The following RBFOX1 variants were observed in gnomAD, a reference collection of about 807,000 sequenced individuals.
The protein encoded by RBFOX1 is RNA binding protein fox-1 homolog 1.
Under a neutral mutation model 57.7 loss-of-function variants are expected in RBFOX1, and 8 were observed. The observed-to-expected ratio is 0.14, with a 90% CI of 0.08 to 0.25. The LOEUF is 0.25. RBFOX1 is among the 10% of genes least tolerant of loss of function. RBFOX1 has a pLI of 1.00. For synonymous variants in RBFOX1, 326 were observed against 222.4 expected, an observed-to-expected ratio of 1.47 and a Z score of -4.15; for missense variants, 611 against 548.5, an observed-to-expected ratio of 1.11 and a Z score of -1.14.
chr16:6,715,592 T>G (rs1204135088), intron 3 of RBFOX1, among the ~76,000 whole-genome samples: 1 of 152,166 alleles, frequency 6.6e-6, no homozygotes, highest in African/African-American at 2.4e-5. Context: ...GAATCCAGAT[T>G]GGCTGAGCTA....
At chr16:5,264,170 G>C (rs1337185849) in intron 1 of RBFOX1, among the ~76,000 whole-genome samples, 1 of 152,178 alleles carries the variant, frequency 6.6e-6, no homozygotes, top group Non-Finnish European at 1.5e-5. Context: ...GAGGTGAACA[G>C]TTGCAGGATG....
chr16:6,611,922 G>A (rs113327229), intron 2 of RBFOX1, among the ~76,000 whole-genome samples: 29 of 152,216 alleles, frequency 1.9e-4, no homozygotes, highest in African/African-American at 6.5e-4. Flanking sequence ...GGTTGCAAGG[G>A]TTTTGGTAGC....
chr16:5,881,711 G>C (rs1363208867), intron 4 of RBFOX1, among the ~76,000 whole-genome samples: 1 of 151,996 alleles, frequency 6.6e-6, no homozygotes, highest in East Asian at 1.9e-4. Flanking sequence ...AAAGATCAGG[G>C]ATTAATAAAG....
At chr16:7,574,209 G>A (rs1369078282) in intron 5 of RBFOX1, among the ~76,000 whole-genome samples, 1 of 152,168 alleles carries the variant, frequency 6.6e-6, no homozygotes, top group Admixed American at 6.5e-5. Flanking sequence ...TTGCATCCAG[G>A]GCCATGATCG....
intron 4 of RBFOX1, among the ~76,000 whole-genome samples, chr16:5,931,974 AT>A (rs34702331): frequency 2.6e-5 from 4 of 150,998 alleles, no homozygotes; most frequent in African/African-American, 4.9e-5. Context: ...CTCCTAGCTA[AT>A]TTTTTTTTGT....
chr16:5,581,072 G>A (rs1314374569), intron 2 of RBFOX1, among the ~76,000 whole-genome samples: 1 of 152,200 alleles, frequency 6.6e-6, no homozygotes, highest in Non-Finnish European at 1.5e-5. Flanking sequence ...TGTCTTCTTA[G>A]GTAAATGCAA....
intron 2 of RBFOX1, among the ~76,000 whole-genome samples, chr16:6,593,257 A>G (rs536307904): frequency 6.6e-6 from 1 of 152,114 alleles, no homozygotes; most frequent in Non-Finnish European, 1.5e-5. Flanking sequence ...TCTCTGCCCT[A>G]CTGGATCTCA....
intron 4 of RBFOX1, among the ~76,000 whole-genome samples, chr16:6,004,202 T>C (rs576171947): frequency 1.1e-4 from 17 of 152,026 alleles, no homozygotes; most frequent in Admixed American, 2.0e-4. Flanking sequence ...TAAAATAAAA[T>C]TTTTTTTAAA....
Position 7,304,214 on chromosome 16 carries a change from CAGAGAGAGAGAG to C in RBFOX1, c.28-213911_28-213900del, listed in dbSNP as rs60200317. On this transcript the variant is annotated intron_variant, in intron 4 of 15. Coordinates refer to ENST00000550418, the MANE Select transcript of RBFOX1 (RefSeq NM_018723.4). Reference sequence around the variant, plus strand: ...AGGGGGAGAGAGACAGAGAGAGAGACAGAGAGAGAGAGAGAGAGAGAGAGAGAGAGAGACAGC... The same window carrying C: ...AGGGGGAGAGAGACAGAGAGAGAGACAGAGAGAGAGAGAGAGAGAGACAGC... 996 of 922,470 alleles carry C rather than the reference CAGAGAGAGAGAG, an allele frequency of 1.1e-3. 2 individuals are homozygous for C. In the African/African-American group the frequency reaches 0.017, roughly 16 times the overall value. The allele number at this position is 922,470 out of a possible 1,614,324, so 57.1% of individuals were successfully genotyped here.
At chr16:6,921,510 G>A (rs1190342649) in intron 3 of RBFOX1, among the ~76,000 whole-genome samples, 1 of 152,102 alleles carries the variant, frequency 6.6e-6, no homozygotes, top group African/African-American at 2.4e-5. Context: ...TCAGCTTTCT[G>A]AGGTCACCCA....
chr16:6,832,924 C>T (rs989182983), intron 3 of RBFOX1, among the ~76,000 whole-genome samples: 2 of 152,188 alleles, frequency 1.3e-5, no homozygotes, highest in East Asian at 1.9e-4. Flanking sequence ...CTGCAGCTTT[C>T]AATCTCTGGG....
chr16:5,910,070 C>CA (rs371705046), intron 4 of RBFOX1, among the ~76,000 whole-genome samples: 69 of 142,530 alleles, frequency 4.8e-4, no homozygotes, highest in East Asian at 8.0e-4. Context: ...AAACAAAAAA[C>CA]AAAAAAAAAA....
chr16:5,286,955 A>G (rs1333580085), intron 1 of RBFOX1, among the ~76,000 whole-genome samples: 1 of 152,204 alleles, frequency 6.6e-6, no homozygotes, highest in African/African-American at 2.4e-5. Context: ...GGCTGGGCCA[A>G]CTTTTTCTAA....
chr16:6,013,727 G>C (rs138864840), intron 4 of RBFOX1, among the ~76,000 whole-genome samples: 175 of 152,148 alleles, frequency 1.2e-3, no homozygotes, highest in African/African-American at 3.1e-3. Context: ...AGTATTCCAC[G>C]GTGTATGTGT....
chr16:6,406,901 A>G (rs747659295), intron 2 of RBFOX1, among the ~76,000 whole-genome samples: 9 of 152,236 alleles, frequency 5.9e-5, no homozygotes, highest in Non-Finnish European at 1.0e-4. Context: ...TGACCCCCCT[A>G]CTGACTGTGT....
chr16:7,274,904 G>A (rs989983071), intron 4 of RBFOX1, among the ~76,000 whole-genome samples: 7 of 151,834 alleles, frequency 4.6e-5, no homozygotes, highest in East Asian at 1.9e-4. Context: ...AGGCTGTCTC[G>A]AGCTCTTGGC....
chr16:6,127,425 T>C (rs1343372169), intron 1 of RBFOX1, among the ~76,000 whole-genome samples: 1 of 152,166 alleles, frequency 6.6e-6, no homozygotes, highest in Non-Finnish European at 1.5e-5. Context: ...GTTTGAGCAT[T>C]ATATGCCAAG....
chr16:6,497,311 G>A (rs2095798299), intron 2 of RBFOX1, among the ~76,000 whole-genome samples: 1 of 152,248 alleles, frequency 6.6e-6, no homozygotes, highest in Admixed American at 6.5e-5. Flanking sequence ...GTGGGTCAAA[G>A]ATGCAGTATG....
chr16:5,401,763 C>T (rs2066719475), intron 1 of RBFOX1, among the ~76,000 whole-genome samples: 1 of 103,376 alleles, frequency 9.7e-6, no homozygotes, highest in African/African-American at 3.7e-5. Context: ...CTCCCTGTCT[C>T]TCTCCTCCTC....
Sources: gnomAD v4.1 joint callset for allele counts (sites outside exome capture counted in the v4.1 genomes callset) on GRCh38, gnomAD v4.1.1 for gene constraint, MANE v1.5 for transcripts, NCBI Gene and HGNC (gene_info 2026-07-23, HGNC 2026-07-21) for gene names.